The following KIAA1328 variants were observed in gnomAD, a reference collection of about 807,000 sequenced individuals.
The protein encoded by KIAA1328 is KIAA1328, also known as protein hinderin.
Under a neutral mutation model 68.1 loss-of-function variants are expected in KIAA1328, and 52 were observed. The ratio of observed to expected loss-of-function variants is 0.76; its 90% CI spans 0.61 to 0.96. KIAA1328 has a LOEUF of 0.96. Ranked by LOEUF, KIAA1328 falls within the 40% of genes least tolerant of loss-of-function variation. KIAA1328 has a pLI of 0.00. For missense variants in KIAA1328, 641 were observed against 677.6 expected, an observed-to-expected ratio of 0.95 and a Z score of 0.60; for synonymous variants, 232 against 239.4, an observed-to-expected ratio of 0.97 and a Z score of 0.28.
rs531186503 is a variant in KIAA1328 at position 36,875,632 on chromosome 18, CTCT to C, written c.333-9918_333-9916del. 2.5e-3 allele frequency among the ~76,000 whole-genome samples: 387 copies of C among 152,282 alleles called. 3 individuals are homozygous for C. Among genetic ancestry groups the C allele is most frequent in the African/African-American group, 8.9e-3 (370 of 41,556 alleles). On this transcript the variant is annotated intron_variant, in intron 4 of 9. Coordinates refer to ENST00000280020, the MANE Select transcript of KIAA1328 (RefSeq NM_020776.3). ...CTGCAAACAGAGACAATTTGACTTC[CTCT>C]TCTTCTCTTCGAATACCATTTATTT...
chr18:36,850,429 C>T (rs2047174516), intron 4 of KIAA1328, among the ~76,000 whole-genome samples: 1 of 151,760 alleles, frequency 6.6e-6, no homozygotes, highest in South Asian at 2.1e-4. Context: ...CAGTAGTCTC[C>T]CTTATCAGGG....
chr18:37,100,658 C>A lies in KIAA1328; in HGVS notation c.1232+33113C>A, dbSNP rs929815752. 3.9e-5 allele frequency among the ~76,000 whole-genome samples: 6 copies of A among 152,322 alleles called. No homozygotes were observed. In the East Asian group the frequency reaches 1.2e-3, roughly 29 times the overall value. On this transcript the variant is annotated intron_variant, in intron 7 of 9. Coordinates refer to ENST00000280020, the MANE Select transcript of KIAA1328 (RefSeq NM_020776.3). ...AGATTTAAATGTCCCTGTCTGACAG[C>A]TTTGAAGAGAGTAGTGGTTCTCCCA...
At chr18:37,185,999 A>G (rs1038592051) in intron 9 of KIAA1328, among the ~76,000 whole-genome samples, 1 of 151,930 alleles carries the variant, frequency 6.6e-6, no homozygotes, top group Non-Finnish European at 1.5e-5. Flanking sequence ...ACAATTCTGA[A>G]CATTCTTTCC....
chr18:37,211,048 G>A (rs1317065385), intron 9 of KIAA1328, among the ~76,000 whole-genome samples: 1 of 152,048 alleles, frequency 6.6e-6, no homozygotes, highest in Non-Finnish European at 1.5e-5. Flanking sequence ...TAATCATAAA[G>A]ATAAACATTT....
chr18:36,946,729 G>A lies in KIAA1328; in HGVS notation c.449-12579G>A, dbSNP rs539611798. Among the ~76,000 whole-genome samples, 81 of 152,172 alleles carry A rather than the reference G, an allele frequency of 5.3e-4. No individual in the cohort carries two copies. In the South Asian group the frequency reaches 0.017, roughly 31 times the overall value. On this transcript the variant is annotated intron_variant, in intron 5 of 9. Transcript: ENST00000280020. ...ATAATCTCTTTAAATTAAATATAAT[G>A]TTAGTCCCTCACCTTCAAGTAGAGG...
intron 5 of KIAA1328, among the ~76,000 whole-genome samples, chr18:36,938,707 T>C (rs529389898): frequency 6.6e-6 from 1 of 152,324 alleles, no homozygotes; most frequent in East Asian, 1.9e-4. Context: ...AGTAGTTCTG[T>C]AGTTTTAGGA....
intron 9 of KIAA1328, among the ~76,000 whole-genome samples, chr18:37,178,638 A>T (rs2059640312): frequency 6.6e-6 from 1 of 152,026 alleles, no homozygotes; most frequent in Admixed American, 6.6e-5. Flanking sequence ...TTCTTTTTGT[A>T]ATTTTTTGAG....
chr18:36,844,286 A>C lies in KIAA1328; in HGVS notation c.316A>C (p.Ile106Leu). 6.2e-7 allele frequency: 1 copy of C among 1,602,494 alleles called. No homozygotes were observed. The highest frequency in any genetic ancestry group is 2.2e-5 in the East Asian group (1 of 44,632). ...LEDKRRIANL[I>L]KELARVSEEK... Reference sequence around the variant, plus strand: ...AGACAAAAGACGCATTGCAAACTTAATTAAAGAACTGGCCAGGTGAGATAA... The same window carrying C: ...AGACAAAAGACGCATTGCAAACTTACTTAAAGAACTGGCCAGGTGAGATAA... Residue 106 changes from isoleucine to leucine, a missense_variant, in exon 4 of 10, where the codon ATT (isoleucine) becomes CTT (leucine). Physicochemically the swap from Ile to Leu is conservative, Grantham distance 5 (BLOSUM62 2). Transcript: ENST00000280020.
chr18:36,839,982 A>G (rs961670852), intron 3 of KIAA1328, among the ~76,000 whole-genome samples: 1 of 152,176 alleles, frequency 6.6e-6, no homozygotes, highest in African/African-American at 2.4e-5. Flanking sequence ...GGGATTCTGC[A>G]GATCCCTGGA....
At chr18:36,973,946 G>T (rs573950191) in intron 6 of KIAA1328, among the ~76,000 whole-genome samples, 1 of 151,902 alleles carries the variant, frequency 6.6e-6, no homozygotes, top group Non-Finnish European at 1.5e-5. Flanking sequence ...GCAGGTTACA[G>T]ATTCAAAATG....
rs777162911 is a variant in KIAA1328, at chr18:37,160,301, A to G, written c.1334A>G (p.Lys445Arg). ...PNSGENRKER[K>R]TVGFHSHMKD... is the part of the protein sequence containing the mutation. ...AGTGGAGAGAATAGGAAGGAGAGGAAGACAGTTGGGTTTCATTCGCATATG... is the reference window on the plus strand; with the variant it reads ...AGTGGAGAGAATAGGAAGGAGAGGAGGACAGTTGGGTTTCATTCGCATATG... Residue 445 changes from lysine to arginine, a missense_variant, in exon 8 of 10, where the codon AAG becomes AGG. Transcript: ENST00000280020. 3 of 1,613,640 alleles carry G rather than the reference A, an allele frequency of 1.9e-6. No homozygotes were observed. In the East Asian group the frequency reaches 6.7e-5, roughly 36 times the overall value.
chr18:37,124,016 A>G (rs1016452894), intron 7 of KIAA1328, among the ~76,000 whole-genome samples: 9 of 152,140 alleles, frequency 5.9e-5, no homozygotes, highest in African/African-American at 9.7e-5. Context: ...TCTGTATACT[A>G]TATGCCAGTG....
chr18:36,842,674 A>AT (rs112634490), intron 3 of KIAA1328, among the ~76,000 whole-genome samples: 19,154 of 142,414 alleles, frequency 0.13, 1,448 homozygotes, highest in Admixed American at 0.18. Context: ...CTAATTATTT[A>AT]TTTTTTTTTT....
intron 8 of KIAA1328, among the ~76,000 whole-genome samples, chr18:37,164,944 TC>T (rs2059356309): frequency 6.6e-6 from 1 of 152,176 alleles, no homozygotes; most frequent in Non-Finnish European, 1.5e-5. Flanking sequence ...ATAGTACATT[TC>T]CATTTTCAAT....
intron 6 of KIAA1328, among the ~76,000 whole-genome samples, chr18:37,054,727 G>A (rs1431717605): frequency 1.3e-5 from 2 of 152,092 alleles, no homozygotes; most frequent in African/African-American, 4.8e-5. Context: ...TCCACTATTT[G>A]GGTGATGGAT....
chr18:37,020,062 C>G (rs1025202731), intron 6 of KIAA1328, among the ~76,000 whole-genome samples: 3 of 152,134 alleles, frequency 2.0e-5, no homozygotes, highest in African/African-American at 7.2e-5. Flanking sequence ...GATCTCTGCA[C>G]AGGTGGGGTG....
At chr18:36,940,797 T>G (rs187954815) in intron 5 of KIAA1328, among the ~76,000 whole-genome samples, 5 of 151,064 alleles carry the variant, frequency 3.3e-5, no homozygotes, top group African/African-American at 1.2e-4. Context: ...TGCCTCAGCC[T>G]CCTGAGTAGC....
chr18:37,044,373 G>C (rs1393513224), intron 6 of KIAA1328, among the ~76,000 whole-genome samples: 1 of 152,062 alleles, frequency 6.6e-6, no homozygotes, highest in Non-Finnish European at 1.5e-5. Context: ...TGATAGGAAC[G>C]TGGTAAAGGA....
chr18:37,077,077 A>C (rs1043262315), intron 7 of KIAA1328, among the ~76,000 whole-genome samples: 101 of 151,924 alleles, frequency 6.6e-4, no homozygotes, highest in Admixed American at 1.5e-3. Context: ...TTGCTGCAAA[A>C]ATCCTCAATA....
Sources: allele counts gnomAD v4.1 joint callset (sites outside exome capture counted in the v4.1 genomes callset), GRCh38; gene constraint gnomAD v4.1.1; transcripts MANE v1.5; gene names NCBI Gene and HGNC (gene_info 2026-07-23, HGNC 2026-07-21).